The following C6orf132 variants were observed in gnomAD, a reference collection of about 807,000 sequenced individuals.
C6orf132 encodes the protein uncharacterized protein C6orf132.
A neutral mutation model predicts 65.3 loss-of-function variants in C6orf132; 43 were observed. The observed-to-expected ratio is 0.66, with a 90% CI of 0.52 to 0.85. C6orf132 has a LOEUF of 0.85. C6orf132 is among the 40% of genes least tolerant of loss of function. The pLI, the probability that C6orf132 is intolerant of heterozygous loss-of-function variation, is 0.00. For missense variants in C6orf132, 1,488 were observed against 1,548.8 expected (o/e 0.96, Z 0.66); for synonymous variants, 631 against 654.1 (o/e 0.96, Z 0.54).
intron 2 of C6orf132, among the ~76,000 whole-genome samples, chr6:42,119,868 G>A (rs1324182459): frequency 2.0e-5 from 3 of 151,834 alleles, no homozygotes; most frequent in Admixed American, 2.0e-4. Flanking sequence ...GGCCGAGGTG[G>A]GCTGATCACC....
intron 2 of C6orf132, chr6:42,126,604 G>A (rs1766769288): frequency 4.9e-6 from 1 of 205,494 alleles, no homozygotes; most frequent in African/African-American, 2.3e-5. Context: ...CACTTTGGGA[G>A]GCTGAGGTTT....
At position 42,106,208 on chromosome 6, in the gene C6orf132, A is replaced by G. The variant is rs1279234641; in HGVS notation, c.1704T>C (p.Asn568=). 1 of 1,537,186 alleles carries G rather than the reference A, an allele frequency of 6.5e-7. No individual in the cohort carries two copies. Among genetic ancestry groups the G allele is most frequent in the East Asian group, 2.4e-5 (1 of 40,906 alleles). ...SPTPSVRQIR[N]ELEARLSSAA... The stretch of plus-strand genomic sequence containing the variant: ...CTGAGGAGAGCCGGGCCTCCAGCTC[A>G]TTCCGGATCTGCCGCACACTGGGAG... Residue 568 remains asparagine (N), a synonymous_variant, in exon 4 of 5, where the codon AAT becomes AAC. Coordinates refer to ENST00000341865, the MANE Select transcript of C6orf132 (RefSeq NM_001164446.3).
chr6:42,142,525 C>T lies in C6orf132; in HGVS notation c.-81G>A, dbSNP rs6911399. 8.1e-4 allele frequency: 1,191 copies of T among 1,462,246 alleles called. 1 individual carries two copies. The highest frequency in any genetic ancestry group is 1.5e-3 in the Middle Eastern group (6 of 4,080). 90.6% of individuals were successfully genotyped at this position (1,462,246 alleles called of 1,614,324 possible). A position where few individuals can be genotyped will look rare whatever the true frequency, so the allele number is the denominator to read the frequency against. The stretch of plus-strand genomic sequence containing the variant: ...TGCCCCGGACTGAACTCAGCACGGT[C>T]TCCCCAGGGGACTCTACCAGGCCAT... On this transcript the variant is annotated 5_prime_UTR_variant, in exon 1 of 5. Transcript: ENST00000341865.
chr6:42,142,275 C>A (rs1286331914), intron 1 of C6orf132, 25 bp downstream of exon 1: 2 of 1,544,478 alleles, frequency 1.3e-6, no homozygotes, highest in South Asian at 2.4e-5. Context: ...CCCGCCCCAG[C>A]GCCCTCCGTC....
At chr6:42,109,856 G>C (rs185688751) in intron 3 of C6orf132, among the ~76,000 whole-genome samples, 1 of 152,162 alleles carries the variant, frequency 6.6e-6, no homozygotes, top group Admixed American at 6.5e-5. Flanking sequence ...AAGATACAGA[G>C]GTAGGAGGGG....
intron 1 of C6orf132, among the ~76,000 whole-genome samples, chr6:42,133,936 C>G (rs1766898415): frequency 6.6e-6 from 1 of 152,024 alleles, no homozygotes; most frequent in African/African-American, 2.4e-5. Context: ...AAAACAATTC[C>G]TGGTGCCAAG....
intron 2 of C6orf132, chr6:42,126,640 G>C: frequency 2.2e-5 from 5 of 222,524 alleles, no homozygotes; most frequent in Non-Finnish European, 4.4e-5. Context: ...TCAGGAGTTC[G>C]AGACCAGCCT....
chr6:42,103,300 A>AG lies in C6orf132; in HGVS notation c.*460dup, dbSNP rs3842136. Reference sequence around the variant, plus strand: ...CCCTTCGGTGCCCTGCACACCCACCAGACAGAGCTGGGCCTCAGCCCTTTG... The same window carrying AG: ...CCCTTCGGTGCCCTGCACACCCACCAGGACAGAGCTGGGCCTCAGCCCTTTG... On this transcript the variant is annotated 3_prime_UTR_variant, in exon 5 of 5. Coordinates refer to ENST00000341865, the MANE Select transcript of C6orf132 (RefSeq NM_001164446.3). The AG allele has an allele frequency of 0.35, 137,642 of 397,378 alleles. 26,424 individuals are homozygous for AG. The highest frequency in any genetic ancestry group is 0.64 in the African/African-American group (31,000 of 48,624). The allele number at this position is 397,378 out of a possible 1,614,324, so 24.6% of individuals were successfully genotyped here.
intron 3 of C6orf132, among the ~76,000 whole-genome samples, chr6:42,108,850 G>A (rs186132039): frequency 2.0e-5 from 3 of 152,196 alleles, no homozygotes; most frequent in Admixed American, 6.5e-5. Context: ...GGGAGTGTGC[G>A]GCTCTGAAGG....
intron 2 of C6orf132, among the ~76,000 whole-genome samples, chr6:42,120,341 G>A (rs756634445): frequency 1.1e-4 from 17 of 150,352 alleles, no homozygotes; most frequent in African/African-American, 2.4e-5. Flanking sequence ...CCGCCTCCCG[G>A]GTTCATGCCA....
chr6:42,135,930 T>C (rs1766934157), intron 1 of C6orf132, among the ~76,000 whole-genome samples: 1 of 152,046 alleles, frequency 6.6e-6, no homozygotes, highest in Non-Finnish European at 1.5e-5. Flanking sequence ...CCTCATGTCA[T>C]AGCCAGCATG....
rs1766412911 is a variant in C6orf132 at position 42,106,637 on chromosome 6, A to C, written c.1275T>G (p.His425Gln). Residue 425 changes from histidine (H) to glutamine (Q), a missense_variant, in exon 4 of 5, where the codon CAT (histidine) becomes CAG (glutamine). By Grantham distance (24) the His-to-Gln change is conservative. Transcript: ENST00000341865. ...GGGTTTTTGTAAACCCAGCAGGTGG[A>C]TGGGCTGCCTTCTGAGCACAGGGCA... Reference protein sequence around the residue: ...PPLPCAQKAAHPPAGFTKTPK... With the variant: ...PPLPCAQKAAQPPAGFTKTPK... 1.3e-6 allele frequency: 2 copies of C among 1,507,504 alleles called. No individual in the cohort carries two copies. Among genetic ancestry groups the C allele is most frequent in the Non-Finnish European group, 1.8e-6 (2 of 1,131,676 alleles). 93.4% of individuals were successfully genotyped at this position (1,507,504 alleles called of 1,614,324 possible). A position where few individuals can be genotyped will look rare whatever the true frequency, so the allele number is the denominator to read the frequency against.
rs2127477614 is a variant in C6orf132 at position 42,124,519 on chromosome 6, C to T, written c.252+4153G>A. On this transcript the variant is annotated intron_variant, in intron 2 of 4. Transcript: ENST00000341865. This position sits in a 1 kb window ranked among gnomAD's most constrained non-coding sequence, Gnocchi z 4.0. ...TTGGGCACTGCTACCTCGTACCTCC[C>T]CTACCCACTGGGCAGCCTGGCCTGG... Among the ~76,000 whole-genome samples the T allele has an allele frequency of 6.6e-6, 1 of 152,332 alleles. No homozygotes were observed. Among genetic ancestry groups the T allele is most frequent in the East Asian group, 1.9e-4 (1 of 5,172 alleles).
intron 2 of C6orf132, among the ~76,000 whole-genome samples, chr6:42,122,684 C>A (rs1766705907): frequency 6.6e-6 from 1 of 152,206 alleles, no homozygotes; most frequent in Non-Finnish European, 1.5e-5. Context: ...AGATTCCAGC[C>A]CCAAAAGGTG....
In C6orf132 at chr6:42,105,045, T is replaced by G. The variant is rs1369406205; in HGVS notation, c.2867A>C (p.Gln956Pro). The G allele has an allele frequency of 6.5e-7, 1 of 1,536,428 alleles. No individual in the cohort carries two copies. The highest frequency in any genetic ancestry group is 2.0e-5 in the Admixed American group (1 of 50,870). The change falls in exon 4 of 5, where the codon CAG (glutamine) becomes CCG (proline). Residue 956 changes from glutamine (Q) to proline (P), a missense_variant. Physicochemically the swap from Gln to Pro is moderately conservative, Grantham distance 76. Transcript: ENST00000341865. ...GAAGGACTTGGGCAGCGGGTGGCCC[T>G]GGGGGAGGTTGGAGGGAGCTACTCT... ...WERVAPSNLP[Q>P]GHPLPKSFSS...
intron 1 of C6orf132, among the ~76,000 whole-genome samples, chr6:42,133,422 T>C (rs1766886480): frequency 6.6e-6 from 1 of 152,168 alleles, no homozygotes; most frequent in African/African-American, 2.4e-5. Flanking sequence ...GCTTGCCACA[T>C]GCATGGACCA....
chr6:42,139,025 T>C (rs115669584), intron 1 of C6orf132, among the ~76,000 whole-genome samples: 1 of 152,340 alleles, frequency 6.6e-6, no homozygotes, highest in African/African-American at 2.4e-5. Context: ...CACTCTCACA[T>C]GACTGTTTGC....
chr6:42,122,992 C>G (rs528926447), intron 2 of C6orf132, among the ~76,000 whole-genome samples: 1 of 152,320 alleles, frequency 6.6e-6, no homozygotes, highest in East Asian at 1.9e-4. Flanking sequence ...ATGCATCACC[C>G]TGGCGATGGC....
intron 2 of C6orf132, among the ~76,000 whole-genome samples, chr6:42,115,920 T>C (rs1204182771): frequency 7.2e-6 from 1 of 139,100 alleles, no homozygotes; most frequent in Non-Finnish European, 1.6e-5. Context: ...TTTTTCTTTT[T>C]TCTTTTTCTT....
Sources: allele counts gnomAD v4.1 joint callset (sites outside exome capture counted in the v4.1 genomes callset), GRCh38; gene constraint gnomAD v4.1.1; non-coding constraint Gnocchi (gnomAD v3.1); transcripts MANE v1.5; gene names NCBI Gene and HGNC (gene_info 2026-07-23, HGNC 2026-07-21).